MRPS21: variants seen among roughly 807,000 people sequenced by gnomAD.
The protein encoded by MRPS21 is mitochondrial ribosomal protein S21, also known as small ribosomal subunit protein bS21m.
A neutral mutation model predicts 9.9 loss-of-function variants in MRPS21; 8 were observed. The observed-to-expected ratio is 0.81, with a 90% CI of 0.47 to 1.45. The LOEUF (loss-of-function observed/expected upper bound fraction) is 1.45, where lower values mean the gene tolerates loss of function less well. Among genes scored for constraint, MRPS21 ranks in the 40% most tolerant of loss-of-function variants. The probability of loss-of-function intolerance (pLI) is 0.00; values close to 1 mark genes in which losing one functional copy is unlikely to be tolerated. For synonymous variants in MRPS21, 40 were observed against 40.3 expected (o/e 0.99, Z 0.03); for missense variants, 101 against 118.9 (o/e 0.85, Z 0.70).
At position 150,299,624 on chromosome 1, in the gene MRPS21, T is replaced by C. The variant is rs1011513653; in HGVS notation, c.83+5175T>C. On this transcript the variant is annotated intron_variant, in intron 2 of 2. Coordinates refer to ENST00000614145, the MANE Select transcript of MRPS21 (RefSeq NM_031901.6). ...CACTTGCCACCACGCCTGGCTAGTT[T>C]TGGTATTTTTAGTAGAGACGGGGTT... Among the ~76,000 whole-genome samples the C allele has an allele frequency of 2.0e-5, 3 of 152,104 alleles. No individual in the cohort carries two copies. In the East Asian group the frequency reaches 5.8e-4, roughly 29 times the overall value.
At chr1:150,298,458 CT>C (rs1653992464) in intron 2 of MRPS21, among the ~76,000 whole-genome samples, 1 of 152,170 alleles carries the variant, frequency 6.6e-6, no homozygotes, top group Admixed American at 6.5e-5. Flanking sequence ...ATAGCTGTTG[CT>C]TAATGGTAAA....
chr1:150,306,370 A>T (rs1553858532), intron 2 of MRPS21, among the ~76,000 whole-genome samples: 2 of 151,828 alleles, frequency 1.3e-5, no homozygotes, highest in South Asian at 4.2e-4. Context: ...CTCCACCCCG[A>T]GTTCAAGGGA....
intron 2 of MRPS21, among the ~76,000 whole-genome samples, chr1:150,301,859 A>G (rs1553857748): frequency 6.6e-6 from 1 of 151,918 alleles, no homozygotes; most frequent in Admixed American, 6.6e-5. Context: ...CGGCCTCCCA[A>G]AGCGCTGGGA....
At chr1:150,297,528 A>C (rs497128) in intron 2 of MRPS21, among the ~76,000 whole-genome samples, 1 of 151,290 alleles carries the variant, frequency 6.6e-6, no homozygotes, top group African/African-American at 2.4e-5. Flanking sequence ...AAAATTAGCC[A>C]TATGTGGTGG....
chr1:150,308,695 G>C lies in MRPS21; in HGVS notation c.*467G>C, dbSNP rs1308970896. The C allele has an allele frequency of 6.5e-6, 1 of 153,500 alleles. No individual in the cohort carries two copies. Among genetic ancestry groups the C allele is most frequent in the Non-Finnish European group, 1.5e-5 (1 of 68,598 alleles). The allele number at this position is 153,500 out of a possible 1,614,324, so 9.5% of individuals were successfully genotyped here. ...AAAAATACAAAAAAAAATTGGCCGG[G>C]CGTGGTGGTGCACGCCTGTAATCCC... is the stretch of plus-strand genomic sequence containing the variant. On this transcript the variant is annotated 3_prime_UTR_variant, in exon 3 of 3. Coordinates refer to ENST00000614145, the MANE Select transcript of MRPS21 (RefSeq NM_031901.6).
intron 2 of MRPS21, among the ~76,000 whole-genome samples, chr1:150,307,659 C>CTCAGT (rs1251308025): frequency 4.6e-5 from 7 of 152,008 alleles, no homozygotes; most frequent in African/African-American, 1.7e-4. Flanking sequence ...ACACTGCAGC[C>CTCAGT]TCAGTCTCCC....
At chr1:150,294,143 G>A in intron 1 of MRPS21, 192 bp from the exon 2 acceptor site, 2 of 476,030 alleles carry the variant, frequency 4.2e-6, no homozygotes, top group South Asian at 2.2e-5. Context: ...TTCTCTATGC[G>A]AGGATTTGGA....
intron 2 of MRPS21, among the ~76,000 whole-genome samples, chr1:150,306,951 C>T (rs1021452812): frequency 3.9e-5 from 6 of 152,156 alleles, no homozygotes; most frequent in Non-Finnish European, 7.3e-5. Context: ...TATCATATCC[C>T]TCAGGTGTGT....
chr1:150,295,971 A>T lies in MRPS21; in HGVS notation c.83+1522A>T, dbSNP rs1026074252. Among the ~76,000 whole-genome samples, 30 of 36,488 alleles carry T rather than the reference A, an allele frequency of 8.2e-4. 1 individual carries two copies. The highest frequency in any genetic ancestry group is 1.7e-3 in the Admixed American group (9 of 5,260). The allele number at this position is 36,488 out of a possible 152,430, so 23.9% of individuals were successfully genotyped here. A position where few individuals can be genotyped will look rare whatever the true frequency, so the allele number is the denominator to read the frequency against. ...GTAATACTTTTTTTTTTTTTTTTTT[A>T]AAACGGAGTCTTGCTCTGTTGCCAG... On this transcript the variant is annotated intron_variant, in intron 2 of 2. Transcript: ENST00000614145.
At chr1:150,300,896 G>A (rs868976725) in intron 2 of MRPS21, among the ~76,000 whole-genome samples, 1 of 152,076 alleles carries the variant, frequency 6.6e-6, no homozygotes, top group Non-Finnish European at 1.5e-5. Context: ...AAGAAGAGGA[G>A]TGGTTAGAAA....
chr1:150,301,624 CT>C (rs782493422), intron 2 of MRPS21, among the ~76,000 whole-genome samples: 1 of 148,174 alleles, frequency 6.7e-6, no homozygotes. Flanking sequence ...TTTTTCCTTT[CT>C]TTTTTTTTTA....
chr1:150,305,041 A>G (rs1572151832), intron 2 of MRPS21: 1 of 382,142 alleles, frequency 2.6e-6, no homozygotes, highest in Non-Finnish European at 5.2e-6. Flanking sequence ...CTCCGTCTCA[A>G]AAGAAAGAAA....
At chr1:150,302,110 A>T (rs1256116662) in intron 2 of MRPS21, among the ~76,000 whole-genome samples, 2 of 152,028 alleles carry the variant, frequency 1.3e-5, no homozygotes, top group Non-Finnish European at 1.5e-5. Flanking sequence ...GCCTCTCCTG[A>T]TCTCTTTCAG....
rs1572153913 is a variant in MRPS21 at position 150,307,312 on chromosome 1, T to C, written c.84-736T>C. On this transcript the variant is annotated intron_variant, in intron 2 of 2. Coordinates refer to ENST00000614145, the MANE Select transcript of MRPS21 (RefSeq NM_031901.6). ...ATCCACCTGCCTCGGCTTCCCGAAG[T>C]GCTAGGATTACAGGCATGAGTCACT... Among the ~76,000 whole-genome samples, 4 of 149,230 alleles carry C rather than the reference T, an allele frequency of 2.7e-5. No individual in the cohort carries two copies. The South Asian group carries it at 6.3e-4, about 24-fold the overall frequency.
In MRPS21 at chr1:150,294,454, C is replaced by T. The variant is rs781938219; in HGVS notation, c.83+5C>T. On this transcript the variant is annotated splice_donor_5th_base_variant and intron_variant, in intron 2 of 2. Coordinates refer to ENST00000614145, the MANE Select transcript of MRPS21 (RefSeq NM_031901.6). The stretch of plus-strand genomic sequence containing the variant: ...CGCATACAGGACCCTAAACAGGTAA[C>T]TGTTAAGGGACCAGAATCATGCCTA... 6.2e-7 allele frequency: 1 copy of T among 1,607,266 alleles called. No homozygotes were observed. Among genetic ancestry groups the T allele is most frequent in the South Asian group, 1.1e-5 (1 of 90,920 alleles).
intron 2 of MRPS21, chr1:150,303,975 C>T (rs1654231181): frequency 2.2e-6 from 1 of 454,048 alleles, no homozygotes; most frequent in African/African-American, 2.0e-5. Flanking sequence ...AAAGACACAA[C>T]CCAATGAGGG....
At chr1:150,304,754 T>TTAA in intron 2 of MRPS21, 1 of 26,010 alleles carries the variant, frequency 3.8e-5, no homozygotes, top group Non-Finnish European at 7.2e-5. Flanking sequence ...AGACTCTGTC[T>TTAA]CAAAAAAAAA....
intron 2 of MRPS21, among the ~76,000 whole-genome samples, chr1:150,306,518 G>A (rs1301055326): frequency 3.4e-5 from 5 of 148,838 alleles, no homozygotes; most frequent in Non-Finnish European, 7.5e-5. Flanking sequence ...TTTTTGAGAT[G>A]GAGTTTCACT....
intron 2 of MRPS21, among the ~76,000 whole-genome samples, chr1:150,302,067 C>G (rs1553857794): frequency 1.3e-5 from 2 of 152,146 alleles, no homozygotes; most frequent in Non-Finnish European, 2.9e-5. Flanking sequence ...CTCTCTCTAG[C>G]CACTTTTTCT....
Sources: allele counts gnomAD v4.1 joint callset (sites outside exome capture counted in the v4.1 genomes callset), GRCh38; gene constraint gnomAD v4.1.1; transcripts MANE v1.5; gene names NCBI Gene and HGNC (gene_info 2026-07-23, HGNC 2026-07-21).